The following DYSF variants were observed in gnomAD, a reference collection of about 807,000 sequenced individuals.
DYSF encodes dysferlin.
In DYSF, 212 loss-of-function variants were observed where a neutral mutation model predicts 274.9. The observed-to-expected ratio is 0.77, with a 90% CI of 0.69 to 0.86. The LOEUF (loss-of-function observed/expected upper bound fraction) is 0.86. Ranked by LOEUF, DYSF falls within the 40% of genes least tolerant of loss-of-function variation. The pLI is 0.00. For missense variants in DYSF, 2,666 were observed against 2,783.2 expected (o/e 0.96, Z 0.95); for synonymous variants, 1,091 against 1,078.7 (o/e 1.01, Z -0.22).
intron 55 of DYSF, among the ~76,000 whole-genome samples, chr2:71,685,695 G>A (rs1033772882): frequency 1.3e-5 from 2 of 152,206 alleles, no homozygotes; most frequent in African/African-American, 4.8e-5. Flanking sequence ...AGAGCCAGCC[G>A]GGAGCAGGGC....
In DYSF at chr2:71,568,102, C is replaced by A. The variant is rs749435218; in HGVS notation, c.2697+20C>A. On this transcript the variant is annotated intron_variant, in intron 25 of 55. Coordinates refer to ENST00000410020, the MANE Select transcript of DYSF (RefSeq NM_001130987.2). ...GAAACCGTGAGTACCTGCCAGCCCC[C>A]ACCTCTGCCTCCCACTACCTGGAGC... 20 of 1,614,086 alleles carry A rather than the reference C, an allele frequency of 1.2e-5. No individual in the cohort carries two copies. The highest frequency in any genetic ancestry group is 1.7e-5 in the Admixed American group (1 of 60,014).
chr2:71,614,110 T>G (rs1283152674), intron 40 of DYSF, among the ~76,000 whole-genome samples: 1 of 152,202 alleles, frequency 6.6e-6, no homozygotes, highest in African/African-American at 2.4e-5. Flanking sequence ...CTCCCCCGAC[T>G]GTGGGCCATG....
chr2:71,489,032 A>G (rs974725024), intron 3 of DYSF, among the ~76,000 whole-genome samples: 4 of 152,120 alleles, frequency 2.6e-5, no homozygotes, highest in African/African-American at 9.7e-5. Flanking sequence ...ATAAGCGTGG[A>G]CTTTGAGAAG....
rs889139495 is a variant in DYSF, at chr2:71,528,421, G to A, written c.1380+20G>A. ...AAAATGGTAAGGAGCAAGGGAGCAGGAGGGTTCTCTCGGGAGGGGACTTTC... is the reference window on the plus strand; with the variant it reads ...AAAATGGTAAGGAGCAAGGGAGCAGAAGGGTTCTCTCGGGAGGGGACTTTC... On this transcript the variant is annotated intron_variant, in intron 14 of 55. Coordinates refer to ENST00000410020, the MANE Select transcript of DYSF (RefSeq NM_001130987.2). The A allele has an allele frequency of 9.3e-6, 15 of 1,606,654 alleles. No homozygotes were observed. In the Admixed American group the frequency reaches 2.3e-4, roughly 25 times the overall value.
At chr2:71,531,270 A>C (rs1464446763) in intron 14 of DYSF, among the ~76,000 whole-genome samples, 1 of 152,062 alleles carries the variant, frequency 6.6e-6, no homozygotes, top group Non-Finnish European at 1.5e-5. Flanking sequence ...TGCTGGGAAA[A>C]AATCATGAAA....
At chr2:71,617,509 ACT>A (rs1211490481) in intron 40 of DYSF, among the ~76,000 whole-genome samples, 4 of 150,830 alleles carry the variant, frequency 2.7e-5, no homozygotes, top group Admixed American at 6.6e-5. Flanking sequence ...TGGAAGTGGG[ACT>A]CTGTGTGTAT....
intron 41 of DYSF, among the ~76,000 whole-genome samples, chr2:71,642,095 A>G (rs1388144878): frequency 6.6e-6 from 1 of 152,172 alleles, no homozygotes; most frequent in East Asian, 1.9e-4. Flanking sequence ...CCTTCCCCAC[A>G]ATTCTTGTTC....
At chr2:71,577,790 G>A (rs2092761271) in intron 30 of DYSF, among the ~76,000 whole-genome samples, 1 of 152,166 alleles carries the variant, frequency 6.6e-6, no homozygotes. Flanking sequence ...GGGATGTCCT[G>A]ATGCCCCAGC....
At chr2:71,625,918 G>C (rs1307035652) in intron 41 of DYSF, among the ~76,000 whole-genome samples, 1 of 151,684 alleles carries the variant, frequency 6.6e-6, no homozygotes, top group Non-Finnish European at 1.5e-5. Flanking sequence ...CTCTTTACTT[G>C]AATTTTTAAA....
At chr2:71,582,103 T>A (rs1320674538) in intron 30 of DYSF, among the ~76,000 whole-genome samples, 1 of 61,926 alleles carries the variant, frequency 1.6e-5, no homozygotes. Context: ...GGAGACTCCG[T>A]CTCAAAAAAA....
At chr2:71,536,068 A>G (rs1304906471) in intron 16 of DYSF, among the ~76,000 whole-genome samples, 1 of 152,136 alleles carries the variant, frequency 6.6e-6, no homozygotes, top group Non-Finnish European at 1.5e-5. Flanking sequence ...GTTCCTAACC[A>G]CTAGTCCATG....
intron 17 of DYSF, among the ~76,000 whole-genome samples, chr2:71,547,011 C>T (rs749115917): frequency 4.6e-5 from 7 of 152,254 alleles, no homozygotes; most frequent in Non-Finnish European, 5.9e-5. Context: ...CTTCGTTGCT[C>T]GGGCCACAGA....
At chr2:71,503,073 C>T in intron 3 of DYSF, 141 bp from the exon 4 acceptor site, 2 of 785,078 alleles carry the variant, frequency 2.5e-6, no homozygotes, top group South Asian at 1.4e-5. Flanking sequence ...TGTGGGGGTG[C>T]AGGAGAGCCC....
In DYSF at chr2:71,528,349, A is replaced by G. The variant is rs2088213227; in HGVS notation, c.1328A>G (p.Asn443Ser). 3.7e-6 allele frequency: 6 copies of G among 1,614,086 alleles called. No homozygotes were observed. Among genetic ancestry groups the G allele is most frequent in the South Asian group, 2.2e-5 (2 of 91,070 alleles). Residue 443 changes from asparagine (N) to serine (S), a missense_variant, in exon 14 of 56, where the codon AAC (asparagine) becomes AGC (serine). Asn to Ser is a conservative substitution (Grantham distance 46). Around this residue, in one of 3 missense-constraint regions of DYSF, gnomAD observed 794 missense variants for 777.1 expected, o/e 1.02. Coordinates refer to ENST00000410020, the MANE Select transcript of DYSF (RefSeq NM_001130987.2). ...AAACAGATCTTTGGCTTCGAGAGTA[A>G]CAAGAAGAACTTGGTGGACCCCTTT... ...NVKQIFGFES[N>S]KKNLVDPFVE...
At chr2:71,586,695 A>T (rs2093078170) in intron 30 of DYSF, among the ~76,000 whole-genome samples, 1 of 151,680 alleles carries the variant, frequency 6.6e-6, no homozygotes, top group African/African-American at 2.4e-5. Flanking sequence ...GGGCCCAGTG[A>T]GGGGGGCCAT....
chr2:71,566,538 AG>A (rs2092118988), intron 24 of DYSF, among the ~76,000 whole-genome samples: 1 of 151,934 alleles, frequency 6.6e-6, no homozygotes, highest in Admixed American at 6.5e-5. Context: ...ACCAGCAGAG[AG>A]AGAGAGGAGC....
chr2:71,592,677 C>T (rs896652888), intron 32 of DYSF, among the ~76,000 whole-genome samples: 4 of 152,200 alleles, frequency 2.6e-5, no homozygotes, highest in Admixed American at 6.5e-5. Context: ...AGCTGCCTGC[C>T]GGGTGTCTGG....
intron 3 of DYSF, among the ~76,000 whole-genome samples, chr2:71,498,322 A>T (rs72898841): frequency 0.022 from 3,295 of 152,300 alleles, 114 homozygotes; most frequent in African/African-American, 0.073. Context: ...CTGGCCTGCC[A>T]CAGGTGGGCA....
chr2:71,525,607 A>T (rs556572321), intron 12 of DYSF, among the ~76,000 whole-genome samples: 4 of 152,296 alleles, frequency 2.6e-5, no homozygotes, highest in Non-Finnish European at 5.9e-5. Context: ...GAGAGTGCAT[A>T]CACATCAATG....
Sources: gnomAD v4.1 joint callset for allele counts (sites outside exome capture counted in the v4.1 genomes callset) on GRCh38, gnomAD v4.1.1 for gene constraint, gnomAD v4.1.1 regional missense constraint, MANE v1.5 for transcripts, NCBI Gene and HGNC (gene_info 2026-07-23, HGNC 2026-07-21) for gene names.